PRELID2: variants seen among roughly 807,000 people sequenced by gnomAD.
The protein encoded by PRELID2 is PRELI domain-containing protein 2.
PRELID2 carries 25 observed loss-of-function variants against 28.4 expected under a neutral mutation model. The observed-to-expected ratio is 0.88, with a 90% CI of 0.64 to 1.23. The LOEUF is 1.23. Among genes scored for constraint, PRELID2 ranks in the 50% most tolerant of loss-of-function variants. The probability of loss-of-function intolerance (pLI) is 0.00; values close to 1 mark genes in which losing one functional copy is unlikely to be tolerated. For synonymous variants in PRELID2, 76 were observed against 71.6 expected (o/e 1.06, Z -0.31); for missense variants, 201 against 214.4 (o/e 0.94, Z 0.39).
chr5:145,756,988 T>C lies in PRELID2; in HGVS notation c.*3548A>G, dbSNP rs1757276355. Among the ~76,000 whole-genome samples, 1 of 152,038 alleles carries C rather than the reference T, an allele frequency of 6.6e-6. No homozygotes were observed. The highest frequency in any genetic ancestry group is 2.1e-4 in the South Asian group (1 of 4,824). Reference sequence around the variant, plus strand: ...AGGGCCTGAAAGAATTAAAAACATATATGACGACTCTGAAAAGATTTAATT... The same window carrying C: ...AGGGCCTGAAAGAATTAAAAACATACATGACGACTCTGAAAAGATTTAATT... On this transcript the variant is annotated 3_prime_UTR_variant, in exon 7 of 7. Coordinates refer to ENST00000683046, the MANE Select transcript of PRELID2 (RefSeq NM_205846.3).
chr5:145,568,350 C>A (rs1366996328), intron 1 of PRELID2, among the ~76,000 whole-genome samples: 2 of 152,166 alleles, frequency 1.3e-5, no homozygotes, highest in Non-Finnish European at 2.9e-5. Flanking sequence ...AACTCTTATC[C>A]CTATCACTGG....
At chr5:145,829,335 C>G (rs1053775896) in intron 1 of PRELID2, among the ~76,000 whole-genome samples, 1 of 152,180 alleles carries the variant, frequency 6.6e-6, no homozygotes, top group Non-Finnish European at 1.5e-5. Flanking sequence ...CATGCTCACT[C>G]TCTCCTTTAT....
chr5:145,548,883 C>A (rs1392544562), intron 1 of PRELID2, among the ~76,000 whole-genome samples: 1 of 152,188 alleles, frequency 6.6e-6, no homozygotes, highest in Non-Finnish European at 1.5e-5. Context: ...ACTCACAAGA[C>A]CCCTGATAAT....
intron 1 of PRELID2, among the ~76,000 whole-genome samples, chr5:145,543,269 A>G (rs1561502992): frequency 6.6e-6 from 1 of 152,166 alleles, no homozygotes; most frequent in African/African-American, 2.4e-5. Flanking sequence ...TGCCTGCCAT[A>G]TTGCCAGCAC....
chr5:145,358,546 T>C, the PRELID2 span, among the ~76,000 whole-genome samples: 5 of 151,886 alleles, frequency 3.3e-5, no homozygotes, highest in Non-Finnish European at 7.4e-5. Context: ...TTCTGCCAGA[T>C]GAAAACAGTT....
the PRELID2 span, among the ~76,000 whole-genome samples, chr5:145,286,744 C>T: frequency 7.0e-5 from 9 of 129,114 alleles, no homozygotes; most frequent in African/African-American, 1.5e-4. Context: ...TTTTTTGAGA[C>T]GAAGTCTCAC....
the PRELID2 span, among the ~76,000 whole-genome samples, chr5:145,358,735 C>T: frequency 6.6e-6 from 1 of 152,106 alleles, no homozygotes; most frequent in Non-Finnish European, 1.5e-5. Context: ...GACATTGATC[C>T]TTGGATGAAG....
At chr5:145,796,598 T>G in intron 4 of PRELID2, 51 bp from the exon 5 acceptor site, 2 of 1,144,148 alleles carry the variant, frequency 1.7e-6, no homozygotes, top group Non-Finnish European at 2.5e-6. Context: ...TGCTTGGATA[T>G]GTAAACGACA....
the PRELID2 span, among the ~76,000 whole-genome samples, chr5:145,396,047 T>C: frequency 6.6e-6 from 1 of 152,142 alleles, no homozygotes; most frequent in Non-Finnish European, 1.5e-5. Flanking sequence ...CAGAAATGAT[T>C]CTGGAAAACA....
At chr5:145,281,476 T>C in the PRELID2 span, among the ~76,000 whole-genome samples, 3 of 152,200 alleles carry the variant, frequency 2.0e-5, no homozygotes, top group East Asian at 1.9e-4. Context: ...CTAGAACTCC[T>C]ACACTTTCAA....
chr5:145,747,595 G>C (rs996268271), intron 1 of PRELID2, among the ~76,000 whole-genome samples: 1 of 151,768 alleles, frequency 6.6e-6, no homozygotes, highest in Non-Finnish European at 1.5e-5. Context: ...TCTACCAGAG[G>C]TACAAAGAGG....
intron 1 of PRELID2, among the ~76,000 whole-genome samples, chr5:145,737,426 TAA>T (rs1554087428): frequency 6.8e-6 from 1 of 146,284 alleles, no homozygotes; most frequent in African/African-American, 2.5e-5. Flanking sequence ...GTTATTTATT[TAA>T]AAAAAAAACA....
Position 145,758,630 on chromosome 5 carries a change from A to G in PRELID2, c.*1906T>C, listed in dbSNP as rs1323855315. Among the ~76,000 whole-genome samples the G allele has an allele frequency of 6.6e-6, 1 of 152,118 alleles. No homozygotes were observed. Among genetic ancestry groups the G allele is most frequent in the Non-Finnish European group, 1.5e-5 (1 of 68,026 alleles). ...TACTCTAATGTCAACCTCCAAATAC[A>G]AATTTCTTGCCTCTCACTTCCACAA... On this transcript the variant is annotated 3_prime_UTR_variant, in exon 7 of 7. Coordinates refer to ENST00000683046, the MANE Select transcript of PRELID2 (RefSeq NM_205846.3).
At chr5:145,505,673 C>A (rs1305453190) in intron 1 of PRELID2, among the ~76,000 whole-genome samples, 1 of 152,164 alleles carries the variant, frequency 6.6e-6, no homozygotes, top group East Asian at 1.9e-4. Context: ...GAATTGAAAT[C>A]AGGATCTCGA....
In PRELID2 at chr5:145,636,750, C is replaced by T. The variant is rs1041157368; in HGVS notation, n.70+128181G>A. Among the ~76,000 whole-genome samples the T allele has an allele frequency of 5.5e-4, 83 of 152,172 alleles. 1 individual carries two copies. Among genetic ancestry groups the T allele is most frequent in the African/African-American group, 1.9e-3 (80 of 41,526 alleles). ...TCACCACTTAAACAACAGAAAATTG[C>T]CTGGGATTTCTTTTGGGGGCATAGG... On this transcript the variant is annotated intron_variant and non_coding_transcript_variant, in intron 1 of 2. Transcript: ENST00000510259.
chr5:145,655,145 C>T (rs1302555134), intron 1 of PRELID2, among the ~76,000 whole-genome samples: 1 of 151,672 alleles, frequency 6.6e-6, no homozygotes, highest in Non-Finnish European at 1.5e-5. Context: ...AACTCCCATT[C>T]ACAATTGCTT....
intron 1 of PRELID2, among the ~76,000 whole-genome samples, chr5:145,615,412 G>GC (rs1237893128): frequency 8.3e-6 from 1 of 120,878 alleles, no homozygotes; most frequent in African/African-American, 3.7e-5. Flanking sequence ...TGCAGGCTCC[G>GC]CCCCCTGGGG....
chr5:145,397,913 T>C, the PRELID2 span, among the ~76,000 whole-genome samples: 1 of 152,094 alleles, frequency 6.6e-6, no homozygotes, highest in African/African-American at 2.4e-5. Context: ...AACTGAAGGA[T>C]ACATCATGCC....
the PRELID2 span, among the ~76,000 whole-genome samples, chr5:145,269,489 A>G: frequency 6.6e-6 from 1 of 152,026 alleles, no homozygotes; most frequent in Admixed American, 6.6e-5. Context: ...AATTAATTCA[A>G]AATAAATCAT....
Sources: gnomAD v4.1 joint callset for allele counts (sites outside exome capture counted in the v4.1 genomes callset) on GRCh38, gnomAD v4.1.1 for gene constraint, MANE v1.5 for transcripts, NCBI Gene and HGNC (gene_info 2026-07-23, HGNC 2026-07-21) for gene names.